Variants in FHIT observed in about 807,000 individuals in gnomAD.
FHIT encodes fragile histidine triad diadenosine triphosphatase.
A neutral mutation model predicts 17.9 loss-of-function variants in FHIT; 19 were observed. The ratio of observed to expected loss-of-function variants is 1.06; its 90% CI spans 0.74 to 1.56. The LOEUF is 1.56. FHIT is among the 40% of genes most tolerant of loss of function. The pLI is 0.00. For missense variants in FHIT, 248 were observed against 189.2 expected (o/e 1.31, Z -1.82); for synonymous variants, 81 against 69.7 (o/e 1.16, Z -0.81).
chr3:60,530,744 A>C (rs1336461345), intron 5 of FHIT, among the ~76,000 whole-genome samples: 1 of 152,168 alleles, frequency 6.6e-6, no homozygotes, highest in Non-Finnish European at 1.5e-5. Context: ...TGGTCACAGC[A>C]AGTTTGTCTT....
chr3:59,807,123 C>T (rs1700234887), intron 8 of FHIT, among the ~76,000 whole-genome samples: 1 of 151,996 alleles, frequency 6.6e-6, no homozygotes, highest in South Asian at 2.1e-4. Flanking sequence ...TCTATGAGAG[C>T]AAAATAAGAG....
intron 5 of FHIT, among the ~76,000 whole-genome samples, chr3:60,309,627 C>G (rs1025277825): frequency 3.9e-5 from 6 of 152,102 alleles, no homozygotes; most frequent in Non-Finnish European, 5.9e-5. Flanking sequence ...TTGTGAAACC[C>G]TGAGATCCAA....
At chr3:60,056,311 A>G (rs1257213839) in intron 5 of FHIT, among the ~76,000 whole-genome samples, 1 of 152,180 alleles carries the variant, frequency 6.6e-6, no homozygotes, top group Admixed American at 6.5e-5. Flanking sequence ...TGGTTCTATT[A>G]CTTGAGATTT....
At chr3:60,268,501 A>G (rs533130182) in intron 5 of FHIT, among the ~76,000 whole-genome samples, 1 of 152,244 alleles carries the variant, frequency 6.6e-6, no homozygotes, top group Non-Finnish European at 1.5e-5. Context: ...GGACTGGCAC[A>G]GTCAGAGACC....
intron 3 of FHIT, among the ~76,000 whole-genome samples, chr3:60,923,225 AG>A (rs1575695023): frequency 6.6e-6 from 1 of 152,244 alleles, no homozygotes; most frequent in East Asian, 1.9e-4. Flanking sequence ...ACAAACGTTT[AG>A]GGAAGAAATG....
At chr3:60,354,121 AT>A (rs1236147411) in intron 5 of FHIT, among the ~76,000 whole-genome samples, 1 of 152,026 alleles carries the variant, frequency 6.6e-6, no homozygotes, top group Non-Finnish European at 1.5e-5. Flanking sequence ...CTATGCTATA[AT>A]TAATTTTTAT....
intron 8 of FHIT, among the ~76,000 whole-genome samples, chr3:59,894,549 G>A (rs1703985733): frequency 6.6e-6 from 1 of 150,488 alleles, no homozygotes; most frequent in African/African-American, 2.5e-5. Flanking sequence ...AAACTTACAA[G>A]CAGTGGTGGA....
At chr3:60,190,562 A>C (rs1702355573) in intron 5 of FHIT, among the ~76,000 whole-genome samples, 1 of 152,032 alleles carries the variant, frequency 6.6e-6, no homozygotes, top group African/African-American at 2.4e-5. Context: ...CAGCCTGGCC[A>C]ACATGGTGAA....
At chr3:60,211,015 T>C (rs536161433) in intron 5 of FHIT, among the ~76,000 whole-genome samples, 1 of 130,542 alleles carries the variant, frequency 7.7e-6, no homozygotes, top group South Asian at 2.3e-4. Context: ...AAATAGGGGA[T>C]GGAGTGAGAA....
intron 2 of FHIT, among the ~76,000 whole-genome samples, chr3:61,095,695 C>A (rs1373617746): frequency 6.6e-6 from 1 of 152,054 alleles, no homozygotes; most frequent in Non-Finnish European, 1.5e-5. Flanking sequence ...TCTAACCTAT[C>A]CCCACCCAGG....
chr3:60,060,096 GA>G (rs1437100226), intron 5 of FHIT, among the ~76,000 whole-genome samples: 1 of 152,022 alleles, frequency 6.6e-6, no homozygotes, highest in Non-Finnish European at 1.5e-5. Context: ...ACAGCAACAG[GA>G]AAGTGACGTT....
chr3:60,473,482 C>T (rs978896274), intron 5 of FHIT, among the ~76,000 whole-genome samples: 1 of 152,002 alleles, frequency 6.6e-6, no homozygotes, highest in Non-Finnish European at 1.5e-5. Context: ...AAGAGACAAC[C>T]TGGGAGAAGG....
intron 4 of FHIT, among the ~76,000 whole-genome samples, chr3:60,548,588 G>C (rs966757564): frequency 6.6e-6 from 1 of 152,116 alleles, no homozygotes; most frequent in East Asian, 1.9e-4. Flanking sequence ...GTTTTTGGAA[G>C]AAAAAGAGCG....
rs1433746796 is a variant in FHIT, at chr3:60,892,423, C to A, written c.-110-70412G>T. Among the ~76,000 whole-genome samples the A allele has an allele frequency of 3.9e-5, 6 of 152,146 alleles. No homozygotes were observed. The South Asian group carries it at 1.2e-3, about 32-fold the overall frequency. Reference sequence around the variant, plus strand: ...CCACCACACACCCTTTCTCAGGTCACCTCTGTGCTCTCCACCCTTGGAGCT... The same window carrying A: ...CCACCACACACCCTTTCTCAGGTCAACTCTGTGCTCTCCACCCTTGGAGCT... On this transcript the variant is annotated intron_variant, in intron 3 of 9. Transcript: ENST00000492590.
intron 3 of FHIT, among the ~76,000 whole-genome samples, chr3:60,935,950 T>C (rs962999294): frequency 1.3e-5 from 2 of 152,166 alleles, no homozygotes; most frequent in Non-Finnish European, 2.9e-5. Context: ...GCGTGGCACA[T>C]ATTAAATATT....
At chr3:60,681,354 T>C (rs2040743988) in intron 4 of FHIT, among the ~76,000 whole-genome samples, 1 of 152,188 alleles carries the variant, frequency 6.6e-6, no homozygotes. Flanking sequence ...ACTGCTGCAC[T>C]GACTAGCCAT....
At chr3:60,486,343 A>T (rs2033839137) in intron 5 of FHIT, among the ~76,000 whole-genome samples, 2 of 152,186 alleles carry the variant, frequency 1.3e-5, no homozygotes, top group South Asian at 4.1e-4. Flanking sequence ...TCACAAAAGC[A>T]TTATCTAGTC....
At chr3:60,084,221 T>C (rs1365147208) in intron 5 of FHIT, among the ~76,000 whole-genome samples, 1 of 152,210 alleles carries the variant, frequency 6.6e-6, no homozygotes, top group East Asian at 1.9e-4. Context: ...TTTTTTGCTT[T>C]ACATTCTTTT....
At chr3:60,040,919 C>T (rs569950913) in intron 5 of FHIT, among the ~76,000 whole-genome samples, 4 of 152,208 alleles carry the variant, frequency 2.6e-5, no homozygotes, top group South Asian at 4.1e-4. Flanking sequence ...GGGTAAACCA[C>T]CTGGGGCCTC....
Sources: allele counts gnomAD v4.1 joint callset (sites outside exome capture counted in the v4.1 genomes callset), GRCh38; gene constraint gnomAD v4.1.1; transcripts MANE v1.5; gene names NCBI Gene and HGNC (gene_info 2026-07-23, HGNC 2026-07-21).